The following NCKAP1 variants were observed in gnomAD, a reference collection of about 807,000 sequenced individuals.
NCKAP1 encodes nck-associated protein 1.
A neutral mutation model predicts 151.2 loss-of-function variants in NCKAP1; 21 were observed. The observed-to-expected ratio is 0.14, with a 90% confidence interval of 0.10 to 0.20. The LOEUF is 0.20. Ranked by LOEUF, NCKAP1 falls within the 10% of genes least tolerant of loss-of-function variation. The pLI is 1.00. For missense variants in NCKAP1, 933 were observed against 1,352.1 expected, an observed-to-expected ratio of 0.69 and a Z score of 4.86; for synonymous variants, 484 against 451.8, an observed-to-expected ratio of 1.07 and a Z score of -0.90.
At chr2:182,931,993 G>GA (rs1696776237) in intron 26 of NCKAP1, among the ~76,000 whole-genome samples, 2 of 152,056 alleles carry the variant, frequency 1.3e-5, no homozygotes, top group Admixed American at 6.6e-5. Context: ...TGAAGATGCA[G>GA]AAAAAATGAA....
chr2:183,035,669 T>G (rs1699087673), intron 1 of NCKAP1, among the ~76,000 whole-genome samples: 1 of 152,228 alleles, frequency 6.6e-6, no homozygotes, highest in African/African-American at 2.4e-5. Context: ...AACAAATGTT[T>G]CAATTCCTAG....
chr2:183,001,025 G>A (rs553836644), intron 6 of NCKAP1, among the ~76,000 whole-genome samples: 10 of 152,324 alleles, frequency 6.6e-5, no homozygotes, highest in South Asian at 6.2e-4. Context: ...CCCGGGAGGC[G>A]GAAGCTCCAG....
In NCKAP1 at chr2:182,942,182, TC is replaced by T; in HGVS notation, c.2602-20del. 1 of 1,591,006 alleles carries T rather than the reference TC, an allele frequency of 6.3e-7. No individual in the cohort carries two copies. Among genetic ancestry groups the T allele is most frequent in the Non-Finnish European group, 8.6e-7 (1 of 1,161,490 alleles). On this transcript the variant is annotated intron_variant, in intron 23 of 30. Transcript: ENST00000361354. ...CAAGTTTCTAAAAAAAAAAGAAAGATCCTAGGTCAGGCACAGACCTCTTTGT... is the reference window on the plus strand; with the variant it reads ...CAAGTTTCTAAAAAAAAAAGAAAGATCTAGGTCAGGCACAGACCTCTTTGT...
At chr2:182,937,361 A>G (rs1278367937) in intron 24 of NCKAP1, among the ~76,000 whole-genome samples, 1 of 152,120 alleles carries the variant, frequency 6.6e-6, no homozygotes, top group Non-Finnish European at 1.5e-5. Context: ...AAACCATTTG[A>G]CCACTGGCAC....
At chr2:182,959,357 A>G (rs533650119) in intron 18 of NCKAP1, among the ~76,000 whole-genome samples, 12 of 152,062 alleles carry the variant, frequency 7.9e-5, no homozygotes, top group African/African-American at 2.9e-4. Flanking sequence ...CACACCAGAT[A>G]ACAAGAAAGC....
At chr2:183,001,932 T>A in intron 6 of NCKAP1, 21 bp downstream of exon 6, 1 of 1,588,540 alleles carries the variant, frequency 6.3e-7, no homozygotes, top group East Asian at 2.2e-5. Context: ...TTCTCTCATA[T>A]GCCTAACAAC....
chr2:182,929,680 A>T (rs578085053), intron 27 of NCKAP1, among the ~76,000 whole-genome samples: 5 of 152,036 alleles, frequency 3.3e-5, no homozygotes, highest in African/African-American at 1.2e-4. Context: ...CAGCTGTAGC[A>T]AATCAAGTAA....
chr2:182,965,433 T>C (rs1225591965), intron 16 of NCKAP1, among the ~76,000 whole-genome samples: 1 of 151,974 alleles, frequency 6.6e-6, no homozygotes, highest in Admixed American at 6.6e-5. Context: ...CAAGCAATCC[T>C]CCATCTCGGC....
Position 182,919,577 on chromosome 2 carries a change from T to C in NCKAP1, c.*6125A>G, listed in dbSNP as rs1328600919. The C allele has an allele frequency of 1.3e-5, 2 of 152,172 alleles. No individual in the cohort carries two copies. The highest frequency in any genetic ancestry group is 6.5e-5 in the Admixed American group (1 of 15,270). 9.4% of individuals were successfully genotyped at this position (152,172 alleles called of 1,614,324 possible). A position where few individuals can be genotyped will look rare whatever the true frequency, so the allele number is the denominator to read the frequency against. On this transcript the variant is annotated 3_prime_UTR_variant, in exon 31 of 31. Transcript: ENST00000361354. ...GTAACTTGGAGTGAAACTCATGTGT[T>C]TTATACATTGAATGCTATCAGTTCA...
intron 4 of NCKAP1, 34 bp from the exon 5 acceptor site, chr2:183,002,303 C>T (rs186219929): frequency 3.6e-6 from 5 of 1,386,882 alleles, no homozygotes; most frequent in African/African-American, 1.5e-5. Flanking sequence ...CAACTACTTC[C>T]TATTTCTTAA....
intron 23 of NCKAP1, among the ~76,000 whole-genome samples, chr2:182,943,146 C>T (rs975906124): frequency 6.6e-6 from 1 of 152,110 alleles, no homozygotes; most frequent in East Asian, 1.9e-4. Context: ...ATCACAATCA[C>T]CTGTGGTGCT....
intron 24 of NCKAP1, among the ~76,000 whole-genome samples, chr2:182,939,442 T>C (rs1342232669): frequency 2.0e-5 from 3 of 152,074 alleles, no homozygotes; most frequent in Non-Finnish European, 4.4e-5. Flanking sequence ...TGCAGGAGAA[T>C]TGGTTGAACC....
chr2:182,971,254 C>T (rs1320900073), intron 15 of NCKAP1, among the ~76,000 whole-genome samples: 9 of 150,698 alleles, frequency 6.0e-5, no homozygotes, highest in East Asian at 1.9e-4. Flanking sequence ...ATTAGCCGGG[C>T]GTAGTGGCGG....
chr2:183,020,464 C>CAAA (rs1179083096), intron 2 of NCKAP1, among the ~76,000 whole-genome samples: 60 of 71,504 alleles, frequency 8.4e-4, no homozygotes, highest in African/African-American at 2.8e-3. Context: ...GACCGTGTCC[C>CAAA]AAAAAAAAAA....
In NCKAP1 at chr2:182,921,962, A is replaced by AT. The variant is rs1295710778; in HGVS notation, c.*3739dup. 1.3e-5 allele frequency: 2 copies of AT among 152,142 alleles called. No individual in the cohort carries two copies. Among genetic ancestry groups the AT allele is most frequent in the Admixed American group, 6.5e-5 (1 of 15,276 alleles). The allele number at this position is 152,142 out of a possible 1,614,324, so 9.4% of individuals were successfully genotyped here. On this transcript the variant is annotated 3_prime_UTR_variant, in exon 31 of 31. Transcript: ENST00000361354. Reference sequence around the variant, plus strand: ...GAATAAAAATTTTAAAATCTCAAATATTTTTTCCCAAAGGCAGAGGTCATG... The same window carrying AT: ...GAATAAAAATTTTAAAATCTCAAATATTTTTTTCCCAAAGGCAGAGGTCATG...
At chr2:182,951,767 T>C (rs1697223158) in intron 23 of NCKAP1, among the ~76,000 whole-genome samples, 1 of 152,174 alleles carries the variant, frequency 6.6e-6, no homozygotes, top group South Asian at 2.1e-4. Context: ...TCAAAAGTTT[T>C]GGTGGCCCAA....
intron 2 of NCKAP1, among the ~76,000 whole-genome samples, chr2:183,019,128 C>A (rs1190051919): frequency 6.6e-6 from 1 of 152,122 alleles, no homozygotes; most frequent in African/African-American, 2.4e-5. Flanking sequence ...GCACTCTACT[C>A]GCCAGCAATG....
chr2:182,972,108 GA>G (rs1485172858), intron 15 of NCKAP1, among the ~76,000 whole-genome samples: 1 of 148,640 alleles, frequency 6.7e-6, no homozygotes, highest in African/African-American at 2.5e-5. Context: ...AACAAAGAAG[GA>G]AACAATCAGC....
intron 2 of NCKAP1, among the ~76,000 whole-genome samples, chr2:183,006,696 C>T (rs916731242): frequency 6.6e-6 from 1 of 152,000 alleles, no homozygotes. Context: ...GTAGATACTA[C>T]CAAAAATTAT....
Sources: gnomAD v4.1 joint callset for allele counts (sites outside exome capture counted in the v4.1 genomes callset) on GRCh38, gnomAD v4.1.1 for gene constraint, MANE v1.5 for transcripts, NCBI Gene and HGNC (gene_info 2026-07-23, HGNC 2026-07-21) for gene names.